Variants in PAPSS1 observed in about 807,000 individuals in gnomAD.
The protein encoded by PAPSS1 is bifunctional 3'-phosphoadenosine 5'-phosphosulfate synthase 1.
In PAPSS1, 50 loss-of-function variants were observed where a neutral mutation model predicts 72.0. The observed-to-expected ratio is 0.69, with a 90% CI of 0.55 to 0.88. The LOEUF (loss-of-function observed/expected upper bound fraction) is 0.88, where lower values mean the gene tolerates loss of function less well. Ranked by LOEUF, PAPSS1 falls within the 40% of genes least tolerant of loss-of-function variation. The pLI, the probability that PAPSS1 is intolerant of heterozygous loss-of-function variation, is 0.00. For synonymous variants in PAPSS1, 261 were observed against 263.6 expected (o/e 0.99, Z 0.09); for missense variants, 657 against 782.2 (o/e 0.84, Z 1.91).
chr4:107,687,012 T>C (rs1722803868), intron 4 of PAPSS1, 27 bp downstream of exon 4: 7 of 1,588,458 alleles, frequency 4.4e-6, no homozygotes, highest in Non-Finnish European at 6.0e-6. Flanking sequence ...CTAAGCAAAG[T>C]GAAACTGGGA....
intron 4 of PAPSS1, 112 bp downstream of exon 4, chr4:107,686,927 C>T (rs535055516): frequency 1.1e-6 from 1 of 951,784 alleles, no homozygotes; most frequent in Admixed American, 3.0e-5. Context: ...ATTCTCTCCT[C>T]AAGGAGCTCC....
chr4:107,667,078 C>T (rs180910398), intron 5 of PAPSS1, among the ~76,000 whole-genome samples: 6 of 152,272 alleles, frequency 3.9e-5, no homozygotes, highest in Admixed American at 3.3e-4. Context: ...CTCTACTCCC[C>T]TGACCTCTGG....
At chr4:107,713,052 T>C (rs1466472353) in intron 1 of PAPSS1, among the ~76,000 whole-genome samples, 1 of 151,796 alleles carries the variant, frequency 6.6e-6, no homozygotes, top group Admixed American at 6.6e-5. Context: ...GTTCAAGCGA[T>C]TCTCCTGCCT....
chr4:107,616,193 T>C (rs1365972333), intron 11 of PAPSS1, among the ~76,000 whole-genome samples: 1 of 152,184 alleles, frequency 6.6e-6, no homozygotes, highest in South Asian at 2.1e-4. Context: ...AGTGGTTATT[T>C]CTAGGAAGTG....
intron 4 of PAPSS1, among the ~76,000 whole-genome samples, chr4:107,684,705 C>G (rs1722726980): frequency 6.6e-6 from 1 of 152,158 alleles, no homozygotes; most frequent in Admixed American, 6.5e-5. Context: ...CACCTATAGC[C>G]TAGAAGCTCC....
intron 2 of PAPSS1, among the ~76,000 whole-genome samples, chr4:107,694,847 G>A (rs1560588016): frequency 6.6e-6 from 1 of 152,094 alleles, no homozygotes. Flanking sequence ...CCAACTTGGC[G>A]AGTGTCATAA....
rs1286320039 is a variant in PAPSS1, at chr4:107,719,913, GC to G, written c.60+206del. On this transcript the variant is annotated intron_variant, in intron 1 of 11. Coordinates refer to ENST00000265174, the MANE Select transcript of PAPSS1 (RefSeq NM_005443.5). The stretch of plus-strand genomic sequence containing the variant: ...TGGCTCGGACCGCACGCTGCGCCAA[GC>G]TAGGGCGAGATCCCCACCCTGCGCC... 7.3e-6 allele frequency: 10 copies of G among 1,366,496 alleles called. No homozygotes were observed. The Admixed American group carries it at 3.8e-4, about 52-fold the overall frequency. The allele number at this position is 1,366,496 out of a possible 1,614,324, so 84.6% of individuals were successfully genotyped here.
At chr4:107,678,453 GAGCTGAGGTGAAAAAA>G (rs1727719123) in intron 5 of PAPSS1, among the ~76,000 whole-genome samples, 1 of 152,048 alleles carries the variant, frequency 6.6e-6, no homozygotes, top group Non-Finnish European at 1.5e-5. Context: ...GCCCATTGCA[GAGCTGAGGTGAAAAAA>G]AGCAGTGAGA....
Position 107,631,798 on chromosome 4 carries a change from G to A in PAPSS1, c.1569C>T (p.Asp523=). 6.2e-7 allele frequency: 1 copy of A among 1,614,068 alleles called. No individual in the cohort carries two copies. Among genetic ancestry groups the A allele is most frequent in the Non-Finnish European group, 8.5e-7 (1 of 1,179,984 alleles). Residue 523 remains aspartate (D), a synonymous_variant, in exon 11 of 12, where the codon GAC becomes GAT. Transcript: ENST00000265174. ...TTTCTGGATGAGGCATGCCAGCAGGGTCTCGTCCAACAATGTAAAAGTTGG... is the reference window on the plus strand; with the variant it reads ...TTTCTGGATGAGGCATGCCAGCAGGATCTCGTCCAACAATGTAAAAGTTGG... ...AGANFYIVGR[D]PAGMPHPETG... is the part of the protein sequence containing the mutation.
intron 5 of PAPSS1, among the ~76,000 whole-genome samples, chr4:107,679,260 G>A (rs554524327): frequency 6.6e-6 from 1 of 152,162 alleles, no homozygotes; most frequent in South Asian, 2.1e-4. Context: ...CAAGCAGGAG[G>A]AAGACTCCTT....
intron 5 of PAPSS1, among the ~76,000 whole-genome samples, chr4:107,668,669 T>A (rs1482725618): frequency 1.3e-5 from 2 of 152,078 alleles, no homozygotes; most frequent in Non-Finnish European, 2.9e-5. Context: ...AACATCAGAC[T>A]CCAAGTTCTT....
rs544254571 is a variant in PAPSS1 at position 107,643,683 on chromosome 4, T to C, written c.1506+1119A>G. ...TCCTAGGGGGAGGACAAGTAGTGAA[T>C]AGAAAGGGGCAAGAAGAAAAACTTC... On this transcript the variant is annotated intron_variant, in intron 10 of 11. Coordinates refer to ENST00000265174, the MANE Select transcript of PAPSS1 (RefSeq NM_005443.5). 3.9e-5 allele frequency among the ~76,000 whole-genome samples: 6 copies of C among 152,198 alleles called. 1 individual carries two copies. In the South Asian group the frequency reaches 8.3e-4, roughly 21 times the overall value.
chr4:107,681,452 C>A (rs754080611), intron 5 of PAPSS1, among the ~76,000 whole-genome samples: 24 of 152,152 alleles, frequency 1.6e-4, no homozygotes, highest in Non-Finnish European at 3.2e-4. Context: ...AGACTAAAGT[C>A]TGAAGGAACC....
At chr4:107,717,723 C>G (rs1235059274) in intron 1 of PAPSS1, among the ~76,000 whole-genome samples, 2 of 152,184 alleles carry the variant, frequency 1.3e-5, no homozygotes, top group Non-Finnish European at 2.9e-5. Context: ...ACTAATATCA[C>G]CCTTACCCCC....
At chr4:107,668,768 A>C (rs771651478) in intron 5 of PAPSS1, among the ~76,000 whole-genome samples, 1 of 152,142 alleles carries the variant, frequency 6.6e-6, no homozygotes, top group Non-Finnish European at 1.5e-5. Flanking sequence ...TTAATACTTA[A>C]TAAACTCATA....
chr4:107,618,580 C>T (rs891824816), intron 11 of PAPSS1, among the ~76,000 whole-genome samples: 1 of 151,660 alleles, frequency 6.6e-6, no homozygotes, highest in African/African-American at 2.4e-5. Flanking sequence ...AAAGAGGAAA[C>T]AGAAGGTGGT....
intron 9 of PAPSS1, among the ~76,000 whole-genome samples, chr4:107,649,275 C>A (rs1318967475): frequency 6.6e-6 from 1 of 152,236 alleles, no homozygotes; most frequent in Non-Finnish European, 1.5e-5. Context: ...TCTGCCTCAG[C>A]GCGTGATTCT....
chr4:107,614,279 T>C lies in PAPSS1; in HGVS notation c.1845A>G (p.Thr615=), dbSNP rs143114926. The part of the protein sequence containing the change: ...FMAPKAWTVL[T]EYYKSLEKA ...CTTTCTCCAAGGATTTGTAGTATTC[T>C]GTCAGCACGGTCCAAGCCTTGGGAG... Residue 615 remains threonine, a synonymous_variant, in exon 12 of 12, where the codon ACA becomes ACG. Transcript: ENST00000265174. 2.5e-4 allele frequency: 397 copies of C among 1,613,962 alleles called. 6 individuals carry two copies. The South Asian group carries it at 2.8e-3, about 11-fold the overall frequency.
At chr4:107,658,589 G>C (rs1727081428) in intron 6 of PAPSS1, among the ~76,000 whole-genome samples, 1 of 152,158 alleles carries the variant, frequency 6.6e-6, no homozygotes, top group Non-Finnish European at 1.5e-5. Context: ...CAATGAGAAA[G>C]ATAAAGCACC....
Sources: allele counts gnomAD v4.1 joint callset (sites outside exome capture counted in the v4.1 genomes callset), GRCh38; gene constraint gnomAD v4.1.1; transcripts MANE v1.5; gene names NCBI Gene and HGNC (gene_info 2026-07-23, HGNC 2026-07-21).